USP45: variants seen among roughly 807,000 people sequenced by gnomAD.
USP45 encodes the protein ubiquitin carboxyl-terminal hydrolase 45.
A neutral mutation model predicts 95.8 loss-of-function variants in USP45; 89 were observed. The observed-to-expected ratio is 0.93, with a 90% CI of 0.78 to 1.11. The LOEUF is 1.11. Among genes scored for constraint, USP45 ranks in the 50% least tolerant of loss-of-function variants. The probability of loss-of-function intolerance (pLI) is 0.00; values close to 1 mark genes in which losing one functional copy is unlikely to be tolerated. For missense variants in USP45, 898 were observed against 942.5 expected, an observed-to-expected ratio of 0.95 and a Z score of 0.62; for synonymous variants, 281 against 316.2, an observed-to-expected ratio of 0.89 and a Z score of 1.18.
intron 8 of USP45, among the ~76,000 whole-genome samples, chr6:99,480,488 C>A (rs1792121847): frequency 1.3e-5 from 2 of 152,084 alleles, no homozygotes; most frequent in African/African-American, 4.8e-5. Context: ...CCAGCCTGAC[C>A]AACATGGAGA....
At chr6:99,499,444 C>G (rs1403918530) in intron 5 of USP45, among the ~76,000 whole-genome samples, 1 of 152,106 alleles carries the variant, frequency 6.6e-6, no homozygotes. Flanking sequence ...TATACGGAAG[C>G]CGCATACAAG....
Position 99,433,106 on chromosome 6 carries a change from T to G in USP45, c.*2610A>C, listed in dbSNP as rs1582901676. 6.6e-6 allele frequency: 1 copy of G among 152,326 alleles called. No homozygotes were observed. Among genetic ancestry groups the G allele is most frequent in the South Asian group, 2.1e-4 (1 of 4,826 alleles). The allele number at this position is 152,326 out of a possible 1,614,324, so 9.4% of individuals were successfully genotyped here. On this transcript the variant is annotated 3_prime_UTR_variant, in exon 18 of 18. Transcript: ENST00000500704. ...TCCTGGGCTCAAGCATCTTCCCCACTCAGCCTCCCAACAGCATGAGCCACC... is the reference window on the plus strand; with the variant it reads ...TCCTGGGCTCAAGCATCTTCCCCACGCAGCCTCCCAACAGCATGAGCCACC...
chr6:99,503,933 A>G, intron 4 of USP45, 68 bp from the exon 5 acceptor site: 2 of 1,140,828 alleles, frequency 1.8e-6, no homozygotes, highest in East Asian at 2.7e-5. Flanking sequence ...ATCAGATAAC[A>G]AAGTTGGTAT....
At position 99,462,734 on chromosome 6, in the gene USP45, CT is replaced by C. The variant is rs1427041200; in HGVS notation, c.1308+1869del. On this transcript the variant is annotated intron_variant, in intron 13 of 17. Transcript: ENST00000500704. ...GTGGCTCACACCTGCAATTCCAGCA[CT>C]TTGGGAGACCAAGGCAGGTAGATCA... 4.1e-6 allele frequency: 4 copies of C among 983,908 alleles called. No homozygotes were observed. The African/African-American group carries it at 5.3e-5, about 13-fold the overall frequency. 60.9% of individuals were successfully genotyped at this position (983,908 alleles called of 1,614,324 possible).
chr6:99,435,870 ATT>A lies in USP45; in HGVS notation c.2315-26_2315-25del, dbSNP rs1162180039. On this transcript the variant is annotated intron_variant, in intron 17 of 17. Coordinates refer to ENST00000500704, the MANE Select transcript of USP45 (RefSeq NM_001346022.3). ...ACCTAGCAAAACAAAAAGAAGTACA[ATT>A]TTAAAGTAAGTATGCTTTAGGTTCT... 4 of 1,598,120 alleles carry A rather than the reference ATT, an allele frequency of 2.5e-6. No homozygotes were observed. In the South Asian group the frequency reaches 4.5e-5, roughly 18 times the overall value.
At chr6:99,463,769 G>A (rs530194717) in intron 13 of USP45, among the ~76,000 whole-genome samples, 9 of 121,382 alleles carry the variant, frequency 7.4e-5, no homozygotes, top group Non-Finnish European at 9.7e-5. Context: ...CCAAGATCGC[G>A]CCACCTGGGC....
intron 7 of USP45, among the ~76,000 whole-genome samples, chr6:99,487,446 T>TC (rs1794178796): frequency 6.6e-6 from 1 of 152,054 alleles, no homozygotes; most frequent in South Asian, 2.1e-4. Context: ...GCTCTTTTTT[T>TC]CATCTTTCTC....
At chr6:99,517,703 G>A (rs764933155), upstream of USP45, among the ~76,000 whole-genome samples, 5 of 149,868 alleles carry the variant, frequency 3.3e-5, no homozygotes, top group African/African-American at 7.4e-5. Context: ...TTGGCCTCCC[G>A]AAGTTCTGGG....
At chr6:99,489,211 A>G (rs1000195939) in intron 5 of USP45, among the ~76,000 whole-genome samples, 1 of 152,214 alleles carries the variant, frequency 6.6e-6, no homozygotes, top group Non-Finnish European at 1.5e-5. Context: ...ATGAACCCAT[A>G]ACATTTTGCC....
chr6:99,444,012 A>G (rs1273542219), intron 14 of USP45, among the ~76,000 whole-genome samples: 1 of 151,172 alleles, frequency 6.6e-6, no homozygotes, highest in African/African-American at 2.4e-5. Flanking sequence ...AAAGATTTCT[A>G]GATTTCTAAT....
chr6:99,437,045 G>A (rs1680042204), intron 17 of USP45, among the ~76,000 whole-genome samples: 2 of 152,188 alleles, frequency 1.3e-5, no homozygotes, highest in Non-Finnish European at 1.5e-5. Flanking sequence ...AGGTTGCAGT[G>A]AGCCAAGATC....
intron 8 of USP45, among the ~76,000 whole-genome samples, chr6:99,480,283 G>T (rs1468378605): frequency 6.6e-6 from 1 of 152,094 alleles, no homozygotes; most frequent in Non-Finnish European, 1.5e-5. Context: ...TATCATACAT[G>T]AAAAGATTCA....
intron 1 of USP45, chr6:99,515,169 A>T (rs950177648): frequency 1.3e-5 from 2 of 152,266 alleles, no homozygotes; most frequent in African/African-American, 4.8e-5. Flanking sequence ...CCCGACGCCC[A>T]GGGCTTCTCC....
At chr6:99,459,970 T>G (rs1786023958) in intron 13 of USP45, among the ~76,000 whole-genome samples, 1 of 152,210 alleles carries the variant, frequency 6.6e-6, no homozygotes, top group African/African-American at 2.4e-5. Flanking sequence ...AGTGCTTTTT[T>G]TGCCTCACAT....
chr6:99,508,482 TG>T, intron 3 of USP45, 127 bp downstream of exon 3: 2 of 978,000 alleles, frequency 2.0e-6, no homozygotes, highest in Non-Finnish European at 2.9e-6. Flanking sequence ...AGTTCATTCC[TG>T]GAAAATTTCT....
chr6:99,464,806 C>T, intron 12 of USP45, 59 bp from the exon 13 acceptor site: 2 of 1,488,504 alleles, frequency 1.3e-6, no homozygotes. Context: ...TCTGGATGTC[C>T]TCATCTTAAA....
rs774766380 is a variant in USP45 at position 99,503,752 on chromosome 6, T to A, written c.478+13A>T. ...ATTTTAACACAGATTCCTTTAGTCA[T>A]CGCTTAACTTACTTGTTTGTGTTTT... On this transcript the variant is annotated intron_variant, in intron 5 of 17. Coordinates refer to ENST00000500704, the MANE Select transcript of USP45 (RefSeq NM_001346022.3). 8.2e-5 allele frequency: 125 copies of A among 1,528,588 alleles called. No individual in the cohort carries two copies. The highest frequency in any genetic ancestry group is 1.1e-4 in the Non-Finnish European group (120 of 1,118,124). The allele number at this position is 1,528,588 out of a possible 1,614,324, so 94.7% of individuals were successfully genotyped here. A position where few individuals can be genotyped will look rare whatever the true frequency, so the allele number is the denominator to read the frequency against.
chr6:99,498,024 G>T (rs559618115), intron 5 of USP45, among the ~76,000 whole-genome samples: 23 of 152,236 alleles, frequency 1.5e-4, no homozygotes, highest in African/African-American at 4.8e-4. Flanking sequence ...ATTCCAAATT[G>T]TTCTCACGGT....
At chr6:99,484,376 C>T (rs1471318921) in intron 7 of USP45, among the ~76,000 whole-genome samples, 1 of 142,898 alleles carries the variant, frequency 7.0e-6, no homozygotes, top group African/African-American at 2.7e-5. Flanking sequence ...GGGGGGGTCT[C>T]ACTTTGTTGC....
Sources: gnomAD v4.1 joint callset for allele counts (sites outside exome capture counted in the v4.1 genomes callset) on GRCh38, gnomAD v4.1.1 for gene constraint, MANE v1.5 for transcripts, NCBI Gene and HGNC (gene_info 2026-07-23, HGNC 2026-07-21) for gene names.